WIPF1: variants seen among roughly 807,000 people sequenced by gnomAD.
The protein encoded by WIPF1 is WAS/WASL interacting protein family member 1, also known as WAS/WASL-interacting protein family member 1.
Under a neutral mutation model 35.4 loss-of-function variants are expected in WIPF1, and 13 were observed. The ratio of observed to expected loss-of-function variants is 0.37; its 90% confidence interval spans 0.24 to 0.58. WIPF1 has a LOEUF of 0.58. Among genes scored for constraint, WIPF1 ranks in the 20% least tolerant of loss-of-function variants. The pLI, the probability that WIPF1 is intolerant of heterozygous loss-of-function variation, is 0.74. For synonymous variants in WIPF1, 267 were observed against 266.3 expected, an observed-to-expected ratio of 1.00 and a Z score of -0.02; for missense variants, 591 against 667.0, an observed-to-expected ratio of 0.89 and a Z score of 1.25.
At chr2:174,614,615 G>A (rs985339851) in intron 1 of WIPF1, among the ~76,000 whole-genome samples, 3 of 152,160 alleles carry the variant, frequency 2.0e-5, no homozygotes, top group African/African-American at 7.2e-5. Context: ...GTCAAATAAA[G>A]CTTTGGCAAA....
chr2:174,626,544 T>G (rs770557859), intron 1 of WIPF1, among the ~76,000 whole-genome samples: 1 of 152,116 alleles, frequency 6.6e-6, no homozygotes, highest in Non-Finnish European at 1.5e-5. Flanking sequence ...CAAACAAAAG[T>G]CTTAGTATCT....
In WIPF1 at chr2:174,568,001, A is replaced by C. The variant is rs1241488430; in HGVS notation, c.1202T>G (p.Leu401Trp). Residue 401 changes from leucine (L) to tryptophan (W), a missense_variant, in exon 6 of 8, where the codon TTG (leucine) becomes TGG (tryptophan). Physicochemically the swap from Leu to Trp is moderately conservative, Grantham distance 61. Around this residue, in one of 3 missense-constraint regions of WIPF1, gnomAD observed 117 missense variants for 149.6 expected, o/e 0.78. Coordinates refer to ENST00000679041, the MANE Select transcript of WIPF1 (RefSeq NM_001375834.1). ...ACTGTCTACTCCACTCCTGGATGGC[A>C]ACTGAGGGGTAGCAGGCAGGGCCCG... The part of the protein sequence containing the change: ...TSRALPATPQ[L>W]PSRSGVDSPR... 3.7e-6 allele frequency: 6 copies of C among 1,613,904 alleles called. No individual in the cohort carries two copies. The highest frequency in any genetic ancestry group is 5.1e-6 in the Non-Finnish European group (6 of 1,180,030).
intron 1 of WIPF1, among the ~76,000 whole-genome samples, chr2:174,648,989 A>G (rs1427646021): frequency 1.3e-5 from 2 of 152,228 alleles, no homozygotes; most frequent in African/African-American, 4.8e-5. Context: ...CATTTAACTT[A>G]CATAAATCCA....
chr2:174,591,673 T>TACACACACACAC lies in WIPF1; in HGVS notation c.-39+5916_-39+5927dup, dbSNP rs71407131. 3.9e-3 allele frequency among the ~76,000 whole-genome samples: 574 copies of TACACACACACAC among 146,806 alleles called. 3 individuals are homozygous for TACACACACACAC. The highest frequency in any genetic ancestry group is 0.014 in the South Asian group (65 of 4,604). On this transcript the variant is annotated intron_variant, in intron 1 of 7. Transcript: ENST00000679041. ...TAATTACTGTTTCTTCTTTGTTGCT[T>TACACACACACAC]ACACACACACACACACACACACACA...
intron 5 of WIPF1, among the ~76,000 whole-genome samples, chr2:174,569,752 A>G (rs1368785801): frequency 2.6e-5 from 4 of 152,210 alleles, no homozygotes; most frequent in African/African-American, 9.7e-5. Flanking sequence ...CAGGGATAGG[A>G]GACAAGGCCT....
intron 1 of WIPF1, among the ~76,000 whole-genome samples, chr2:174,588,718 AAC>A (rs1207063705): frequency 1.3e-5 from 2 of 152,162 alleles, no homozygotes; most frequent in Non-Finnish European, 2.9e-5. Context: ...AGCAGGCAAA[AAC>A]AAGGTTCAGG....
intron 1 of WIPF1, among the ~76,000 whole-genome samples, chr2:174,671,260 G>A (rs1246096807): frequency 6.6e-6 from 1 of 152,192 alleles, no homozygotes; most frequent in African/African-American, 2.4e-5. Flanking sequence ...CTGAACATAA[G>A]TTATGAAGAT....
chr2:174,667,418 C>T (rs1687915113), intron 1 of WIPF1, among the ~76,000 whole-genome samples: 3 of 152,208 alleles, frequency 2.0e-5, no homozygotes, highest in African/African-American at 7.2e-5. Context: ...CCTCCACCCC[C>T]GTCCCTGGGC....
At chr2:174,601,066 C>T (rs148577342), upstream of WIPF1, among the ~76,000 whole-genome samples, 367 of 151,534 alleles carry the variant, frequency 2.4e-3, 5 homozygotes, top group African/African-American at 8.6e-3. Flanking sequence ...GGACTACAGT[C>T]GTGCACCACC....
chr2:174,638,279 C>T (rs975130676), intron 1 of WIPF1, among the ~76,000 whole-genome samples: 2 of 152,050 alleles, frequency 1.3e-5, no homozygotes, highest in African/African-American at 4.8e-5. Flanking sequence ...TTTAAATTGA[C>T]ATTGTAACTG....
In WIPF1 at chr2:174,633,324, G is replaced by A. The variant is rs138358780; in HGVS notation, c.-38-47713C>T. ...GAGTCCACGAGCCCCTCACCCCTTCGTTGTTTATCATACAGACACATTTTA... is the reference window on the plus strand; with the variant it reads ...GAGTCCACGAGCCCCTCACCCCTTCATTGTTTATCATACAGACACATTTTA... On this transcript the variant is annotated intron_variant, in intron 1 of 8. Coordinates refer to the WIPF1 transcript ENST00000272746. 7.3e-4 allele frequency among the ~76,000 whole-genome samples: 111 copies of A among 152,228 alleles called. 1 individual carries two copies. The highest frequency in any genetic ancestry group is 2.4e-3 in the African/African-American group (100 of 41,504).
At chr2:174,564,817 A>G (rs1202409608) in intron 7 of WIPF1, among the ~76,000 whole-genome samples, 2 of 45,074 alleles carry the variant, frequency 4.4e-5, no homozygotes, top group East Asian at 5.3e-3. Flanking sequence ...CTTCTGGTGC[A>G]CACACACACA....
intron 1 of WIPF1, chr2:174,665,129 G>A (rs989099967): frequency 2.6e-5 from 4 of 152,168 alleles, no homozygotes; most frequent in African/African-American, 9.7e-5. Flanking sequence ...GAGGCAGACC[G>A]AGGGTATAAC....
chr2:174,662,443 G>A (rs2105975835), intron 1 of WIPF1, among the ~76,000 whole-genome samples: 1 of 152,304 alleles, frequency 6.6e-6, no homozygotes, highest in South Asian at 2.1e-4. Flanking sequence ...CAGGATACAG[G>A]TCAGCTGGAC....
chr2:174,568,027 A>G lies in WIPF1; in HGVS notation c.1176T>C (p.Ser392=), dbSNP rs1574786174. The change falls in exon 6 of 8, where the codon TCT becomes TCC. Residue 392 remains serine (S), a synonymous_variant. Transcript: ENST00000679041. ...ACTGAGGGGTAGCAGGCAGGGCCCG[A>G]GATGTGCTGCCGTTTCTGCTTACTG... ...PPPVSRNGST[S]RALPATPQLP... is the part of the protein sequence containing the mutation. The G allele has an allele frequency of 1.2e-6, 2 of 1,613,618 alleles. No individual in the cohort carries two copies. Among genetic ancestry groups the G allele is most frequent in the South Asian group, 1.1e-5 (1 of 91,060 alleles).
At chr2:174,566,930 G>A (rs1441962929) in intron 7 of WIPF1, 140 bp downstream of exon 7, 1 of 661,930 alleles carries the variant, frequency 1.5e-6, no homozygotes, top group East Asian at 2.8e-5. Context: ...GCCTGTGGAA[G>A]GGGAATTTAC....
intron 1 of WIPF1, among the ~76,000 whole-genome samples, chr2:174,617,454 C>G (rs933640430): frequency 6.6e-6 from 1 of 152,136 alleles, no homozygotes; most frequent in African/African-American, 2.4e-5. Context: ...GAGCACAGAC[C>G]CCTCGTACAT....
chr2:174,588,314 G>A (rs187812084), intron 1 of WIPF1, among the ~76,000 whole-genome samples: 36 of 152,250 alleles, frequency 2.4e-4, no homozygotes, highest in African/African-American at 7.2e-4. Context: ...CTGACTCCAC[G>A]TTCACCGATT....
intron 1 of WIPF1, among the ~76,000 whole-genome samples, chr2:174,678,853 G>C (rs1688189496): frequency 6.6e-6 from 1 of 152,194 alleles, no homozygotes. Context: ...CTCTCCTTGG[G>C]GGCTGTTAAA....
Sources: gnomAD v4.1 joint callset for allele counts (sites outside exome capture counted in the v4.1 genomes callset) on GRCh38, gnomAD v4.1.1 for gene constraint, gnomAD v4.1.1 regional missense constraint, MANE v1.5 for transcripts, NCBI Gene and HGNC (gene_info 2026-07-23, HGNC 2026-07-21) for gene names.